Variants in INTS6 observed in about 807,000 individuals in gnomAD.
INTS6 encodes integrator complex subunit 6.
A neutral mutation model predicts 104.9 loss-of-function variants in INTS6; 16 were observed. That is an observed-to-expected ratio of 0.15 (90% confidence interval 0.10 to 0.23). INTS6 has a LOEUF of 0.23. Ranked by LOEUF, INTS6 falls within the 10% of genes least tolerant of loss-of-function variation. The pLI is 1.00. For missense variants in INTS6, 584 were observed against 1,062.8 expected (o/e 0.55, Z 6.26); for synonymous variants, 324 against 358.7 (o/e 0.90, Z 1.09).
intron 4 of INTS6, among the ~76,000 whole-genome samples, chr13:51,410,402 C>A (rs1460220605): frequency 6.6e-6 from 1 of 152,088 alleles, no homozygotes. Flanking sequence ...AATAGAAAGT[C>A]CAGAAACAGC....
At chr13:51,335,183 C>A in the INTS6 span, among the ~76,000 whole-genome samples, 1 of 152,012 alleles carries the variant, frequency 6.6e-6, no homozygotes, top group Non-Finnish European at 1.5e-5. Flanking sequence ...TTAAGGATTT[C>A]TCTTCAACAA....
At chr13:51,421,520 A>T (rs1415142119) in intron 4 of INTS6, 1 of 154,028 alleles carries the variant, frequency 6.5e-6, no homozygotes, top group African/African-American at 2.4e-5. Flanking sequence ...CACTAAGGTT[A>T]TTCCTAATAT....
At chr13:51,418,403 C>T (rs1277810410) in intron 4 of INTS6, among the ~76,000 whole-genome samples, 1 of 151,742 alleles carries the variant, frequency 6.6e-6, no homozygotes, top group Non-Finnish European at 1.5e-5. Flanking sequence ...TTCCCTTAGG[C>T]TATTTCTAAC....
At chr13:51,383,101 C>CAAA (rs565821299) in intron 9 of INTS6, among the ~76,000 whole-genome samples, 1 of 145,250 alleles carries the variant, frequency 6.9e-6, no homozygotes. Context: ...CACCCCCCCG[C>CAAA]AAAAAAAAAT....
At chr13:51,417,883 G>A (rs1334618386) in intron 4 of INTS6, among the ~76,000 whole-genome samples, 1 of 152,180 alleles carries the variant, frequency 6.6e-6, no homozygotes, top group Non-Finnish European at 1.5e-5. Context: ...TCCTTATGCA[G>A]TACAATACTG....
intron 2 of INTS6, 34 bp downstream of exon 2, chr13:51,451,944 G>A (rs775368861): frequency 4.8e-5 from 75 of 1,549,170 alleles, no homozygotes; most frequent in Non-Finnish European, 6.3e-5. Context: ...ACAGGGAAGG[G>A]AAGGGAGGAA....
At chr13:51,395,273 C>T (rs764786562) in intron 5 of INTS6, 27 bp downstream of exon 5, 3 of 1,572,828 alleles carry the variant, frequency 1.9e-6, no homozygotes, top group Admixed American at 3.9e-5. Flanking sequence ...CTTTAAGTTA[C>T]CAAATTACTG....
intron 3 of INTS6, among the ~76,000 whole-genome samples, chr13:51,434,173 T>A (rs1957145683): frequency 6.6e-6 from 1 of 152,226 alleles, no homozygotes; most frequent in Admixed American, 6.5e-5. Flanking sequence ...GCAATAAAAT[T>A]AACTATAGTA....
chr13:51,362,127 G>C lies in INTS6; in HGVS notation c.*3625C>G. ...TTCTCATTCTCTCAGCTCATATATAGTTAATGTAGATTTTTTTTTTTAATG... is the reference window on the plus strand; with the variant it reads ...TTCTCATTCTCTCAGCTCATATATACTTAATGTAGATTTTTTTTTTTAATG... On this transcript the variant is annotated 3_prime_UTR_variant, in exon 18 of 18. Coordinates refer to ENST00000311234, the MANE Select transcript of INTS6 (RefSeq NM_012141.3). 1 of 1,331,846 alleles carries C rather than the reference G, an allele frequency of 7.5e-7. No individual in the cohort carries two copies. The highest frequency in any genetic ancestry group is 9.8e-7 in the Non-Finnish European group (1 of 1,024,512). The allele number at this position is 1,331,846 out of a possible 1,614,324, so 82.5% of individuals were successfully genotyped here.
chr13:51,420,979 C>A, intron 4 of INTS6: 1 of 303,126 alleles, frequency 3.3e-6, no homozygotes, highest in South Asian at 1.3e-4. Flanking sequence ...TCATCATCAA[C>A]CAATTTATAA....
chr13:51,393,074 A>ATTT (rs368682215), intron 5 of INTS6, among the ~76,000 whole-genome samples: 14 of 139,436 alleles, frequency 1.0e-4, no homozygotes, highest in South Asian at 2.3e-4. Flanking sequence ...AAACAACTAA[A>ATTT]TTTTTTTTTT....
chr13:51,448,259 C>T (rs901564371), intron 3 of INTS6: 1 of 152,132 alleles, frequency 6.6e-6, no homozygotes, highest in African/African-American at 2.4e-5. Context: ...ACGTGAAAAA[C>T]TTATGTATCA....
chr13:51,367,600 A>G (rs908270537), intron 17 of INTS6, among the ~76,000 whole-genome samples: 1 of 152,120 alleles, frequency 6.6e-6, no homozygotes, highest in African/African-American at 2.4e-5. Context: ...GAAAAGGTCC[A>G]TAATTCCTGA....
intron 4 of INTS6, among the ~76,000 whole-genome samples, chr13:51,417,379 G>A (rs1295155496): frequency 1.3e-5 from 2 of 151,612 alleles, no homozygotes; most frequent in African/African-American, 4.8e-5. Flanking sequence ...TGCATATAAG[G>A]TAGAGGTTCA....
the INTS6 span, chr13:51,341,402 C>T: frequency 2.0e-6 from 3 of 1,478,600 alleles, no homozygotes; most frequent in Non-Finnish European, 2.7e-6. Flanking sequence ...CACTCACACT[C>T]TCTCCAGCTC....
chr13:51,366,993 C>A (rs9568581), intron 17 of INTS6, among the ~76,000 whole-genome samples: 5,202 of 151,962 alleles, frequency 0.034, 105 homozygotes, highest in South Asian at 0.059. Context: ...CCATTTATAA[C>A]CTTTATCCAC....
At chr13:51,336,721 TCA>T in the INTS6 span, among the ~76,000 whole-genome samples, 1 of 152,176 alleles carries the variant, frequency 6.6e-6, no homozygotes. Flanking sequence ...GCTGTCATCT[TCA>T]CAGTGAGAGG....
rs1953088617 is a variant in INTS6, at chr13:51,452,617, G to T, written c.-92C>A. The stretch of plus-strand genomic sequence containing the variant: ...CGGTGGCGGCGACCGCCGCTACGCG[G>T]GGCGGGGGAGCACGGCCCCCGGGAG... On this transcript the variant is annotated 5_prime_UTR_variant, in exon 1 of 18. Coordinates refer to ENST00000311234, the MANE Select transcript of INTS6 (RefSeq NM_012141.3). This position sits in a 1 kb window ranked among gnomAD's most constrained non-coding sequence, Gnocchi z 4.2. The T allele has an allele frequency of 3.2e-6, 5 of 1,541,982 alleles. No individual in the cohort carries two copies. The highest frequency in any genetic ancestry group is 4.4e-6 in the Non-Finnish European group (5 of 1,142,116).
At chr13:51,432,777 T>A (rs541420428) in intron 3 of INTS6, among the ~76,000 whole-genome samples, 13 of 152,344 alleles carry the variant, frequency 8.5e-5, no homozygotes, top group African/African-American at 2.6e-4. Context: ...AGGAGCACTA[T>A]CTCCCTCTTG....
Sources: allele counts gnomAD v4.1 joint callset (sites outside exome capture counted in the v4.1 genomes callset), GRCh38; gene constraint gnomAD v4.1.1; non-coding constraint Gnocchi (gnomAD v3.1); transcripts MANE v1.5; gene names NCBI Gene and HGNC (gene_info 2026-07-23, HGNC 2026-07-21).